The following SUSD4 variants were observed in gnomAD, a reference collection of about 807,000 sequenced individuals.
SUSD4 encodes the protein sushi domain containing 4.
SUSD4 carries 41 observed loss-of-function variants against 50.5 expected under a neutral mutation model. That is an observed-to-expected ratio of 0.81 (90% CI 0.63 to 1.05). The LOEUF is 1.05. SUSD4 is among the 50% of genes least tolerant of loss of function. SUSD4 has a pLI of 0.00. For missense variants in SUSD4, 580 were observed against 634.7 expected, an observed-to-expected ratio of 0.91 and a Z score of 0.93; for synonymous variants, 257 against 257.3, an observed-to-expected ratio of 1.00 and a Z score of 0.01.
intron 2 of SUSD4, among the ~76,000 whole-genome samples, chr1:223,319,267 C>G (rs987158435): frequency 6.0e-4 from 77 of 128,696 alleles, no homozygotes; most frequent in Non-Finnish European, 1.0e-3. Context: ...GTCCAAAACA[C>G]CAAAAGCAAT....
intron 3 of SUSD4, among the ~76,000 whole-genome samples, chr1:223,272,450 T>C (rs1357800332): frequency 6.6e-6 from 1 of 152,216 alleles, no homozygotes; most frequent in Non-Finnish European, 1.5e-5. Flanking sequence ...TGCATATTTA[T>C]ACCCAAGTAC....
rs1034256839 is a variant in SUSD4, at chr1:223,221,350, C to G, written c.*842G>C. 5.7e-5 allele frequency: 21 copies of G among 365,982 alleles called. No homozygotes were observed. Among genetic ancestry groups the G allele is most frequent in the African/African-American group, 4.2e-4 (20 of 48,028 alleles). 22.7% of individuals were successfully genotyped at this position (365,982 alleles called of 1,614,324 possible). On this transcript the variant is annotated 3_prime_UTR_variant, in exon 9 of 9. Transcript: ENST00000366878. ...TGTTAAGTGGAGTCTTTTTAAAATG[C>G]TGAAACAAAACATTACCTTGGTTAC... is the stretch of plus-strand genomic sequence containing the variant.
chr1:223,290,975 G>A (rs1007690493), intron 3 of SUSD4, among the ~76,000 whole-genome samples: 8 of 152,060 alleles, frequency 5.3e-5, no homozygotes, highest in Admixed American at 5.2e-4. Context: ...TATGAACCAA[G>A]TAACCTTTAA....
chr1:223,338,724 G>A (rs893981656), intron 2 of SUSD4, among the ~76,000 whole-genome samples: 1 of 152,226 alleles, frequency 6.6e-6, no homozygotes, highest in African/African-American at 2.4e-5. Context: ...CAGCTGCAGG[G>A]TGGCTCCAGG....
chr1:223,308,580 A>C (rs1665688646), intron 2 of SUSD4, among the ~76,000 whole-genome samples: 1 of 152,268 alleles, frequency 6.6e-6, no homozygotes, highest in African/African-American at 2.4e-5. Context: ...AGCATATATA[A>C]GCTGAAACTG....
At chr1:223,254,869 T>A (rs1004354918) in intron 5 of SUSD4, among the ~76,000 whole-genome samples, 2 of 152,064 alleles carry the variant, frequency 1.3e-5, no homozygotes, top group Admixed American at 6.6e-5. Context: ...AGCAGCTATT[T>A]TCTGGTAATC....
At chr1:223,304,496 AC>A (rs1369531472) in intron 2 of SUSD4, among the ~76,000 whole-genome samples, 1 of 151,424 alleles carries the variant, frequency 6.6e-6, no homozygotes, top group African/African-American at 2.4e-5. Flanking sequence ...GTCCATACAC[AC>A]CCTGCATGGT....
In SUSD4 at chr1:223,223,546, C is replaced by A. The variant is rs1250719730; in HGVS notation, c.1147G>T (p.Val383Leu). The part of the protein sequence containing the change: ...PVMLPSYDEA[V>L]SGGLSALGPG... ...CCTAAGGCACTCAAGCCGCCACTCA[C>A]AGCTTCGTCATAGGACGGGAGCATG... Residue 383 changes from valine (V) to leucine (L), a missense_variant, in exon 8 of 9, where the codon GTG becomes TTG. Coordinates refer to ENST00000366878, the MANE Select transcript of SUSD4 (RefSeq NM_017982.4). The A allele has an allele frequency of 1.9e-6, 3 of 1,613,290 alleles. No homozygotes were observed. The highest frequency in any genetic ancestry group is 2.5e-6 in the Non-Finnish European group (3 of 1,179,802).
intron 2 of SUSD4, among the ~76,000 whole-genome samples, chr1:223,333,809 A>C (rs1249766312): frequency 6.6e-6 from 1 of 152,176 alleles, no homozygotes; most frequent in African/African-American, 2.4e-5. Flanking sequence ...TGGGGCTTCC[A>C]GATGACCACC....
intron 2 of SUSD4, among the ~76,000 whole-genome samples, chr1:223,349,936 A>G (rs1668262808): frequency 6.6e-6 from 1 of 152,108 alleles, no homozygotes; most frequent in African/African-American, 2.4e-5. Context: ...GGCCTTTAAG[A>G]GGTAATTAAA....
At chr1:223,315,534 G>A (rs562908277) in intron 2 of SUSD4, among the ~76,000 whole-genome samples, 4 of 152,256 alleles carry the variant, frequency 2.6e-5, no homozygotes, top group East Asian at 1.9e-4. Context: ...CCAAACTATC[G>A]TTGAAAAACC....
chr1:223,301,719 A>G (rs1665210203), intron 2 of SUSD4, among the ~76,000 whole-genome samples: 1 of 152,166 alleles, frequency 6.6e-6, no homozygotes, highest in South Asian at 2.1e-4. Context: ...GTCTCATGAG[A>G]GGAAAAACTT....
At chr1:223,349,361 G>A (rs1668227061) in intron 2 of SUSD4, among the ~76,000 whole-genome samples, 1 of 152,156 alleles carries the variant, frequency 6.6e-6, no homozygotes, top group African/African-American at 2.4e-5. Context: ...ACCTAAACCA[G>A]GGTGGGCTCA....
At chr1:223,363,617 C>A in intron 1 of SUSD4, 157 bp from the exon 2 acceptor site, 1 of 802,334 alleles carries the variant, frequency 1.2e-6, no homozygotes, top group Non-Finnish European at 1.8e-6. Context: ...CGGCGAGGTC[C>A]CCCGCCTTCC....
chr1:223,346,105 A>G (rs1295268563), intron 2 of SUSD4, among the ~76,000 whole-genome samples: 1 of 152,072 alleles, frequency 6.6e-6, no homozygotes, highest in Admixed American at 6.5e-5. Flanking sequence ...AAGATGTTTC[A>G]CAGCATCCCT....
intron 2 of SUSD4, among the ~76,000 whole-genome samples, chr1:223,351,920 A>C (rs1446025665): frequency 6.6e-6 from 1 of 152,046 alleles, no homozygotes; most frequent in Non-Finnish European, 1.5e-5. Flanking sequence ...ATCACCGAGA[A>C]CATGACCCAG....
intron 3 of SUSD4, 28 bp from the exon 4 acceptor site, chr1:223,268,703 T>G (rs1662699571): frequency 1.3e-6 from 2 of 1,595,042 alleles, no homozygotes; most frequent in South Asian, 2.3e-5. Context: ...GTACACATTA[T>G]TTTTGGAATT....
intron 2 of SUSD4, among the ~76,000 whole-genome samples, chr1:223,293,178 G>C (rs1324123801): frequency 1.3e-5 from 2 of 152,034 alleles, no homozygotes; most frequent in Non-Finnish European, 2.9e-5. Context: ...TATAACCCAG[G>C]GTCTATGGTA....
chr1:223,222,248 T>C, intron 8 of SUSD4, 28 bp from the exon 9 acceptor site: 1 of 1,609,382 alleles, frequency 6.2e-7, no homozygotes, highest in Non-Finnish European at 8.5e-7. Flanking sequence ...GTTATTAGCT[T>C]AACATAACCA....
Sources: allele counts gnomAD v4.1 joint callset (sites outside exome capture counted in the v4.1 genomes callset), GRCh38; gene constraint gnomAD v4.1.1; transcripts MANE v1.5; gene names NCBI Gene and HGNC (gene_info 2026-07-23, HGNC 2026-07-21).